Variants in AFAP1L1 observed in about 807,000 individuals in gnomAD.
The protein encoded by AFAP1L1 is actin filament-associated protein 1-like 1.
A neutral mutation model predicts 99.8 loss-of-function variants in AFAP1L1; 77 were observed. The observed-to-expected ratio is 0.77, with a 90% CI of 0.64 to 0.93. The LOEUF (loss-of-function observed/expected upper bound fraction) is 0.93. Ranked by LOEUF, AFAP1L1 falls within the 40% of genes least tolerant of loss-of-function variation. AFAP1L1 has a pLI of 0.00. For synonymous variants in AFAP1L1, 373 were observed against 395.3 expected, an observed-to-expected ratio of 0.94 and a Z score of 0.67; for missense variants, 893 against 996.8, an observed-to-expected ratio of 0.90 and a Z score of 1.40.
intron 1 of AFAP1L1, among the ~76,000 whole-genome samples, chr5:149,295,510 C>CA (rs1755987747): frequency 9.0e-6 from 1 of 110,910 alleles, no homozygotes; most frequent in Admixed American, 1.0e-4. Flanking sequence ...GCTGGAACCT[C>CA]ACAGCAAAAA....
chr5:149,339,480 C>T (rs903674693), intron 18 of AFAP1L1, among the ~76,000 whole-genome samples: 10 of 152,188 alleles, frequency 6.6e-5, no homozygotes, highest in African/African-American at 2.4e-4. Context: ...GCATGAGCCA[C>T]GGCACCTAGC....
chr5:149,298,210 A>G (rs1043580081), intron 1 of AFAP1L1, among the ~76,000 whole-genome samples: 2 of 152,132 alleles, frequency 1.3e-5, no homozygotes, highest in African/African-American at 4.8e-5. Flanking sequence ...CAGCACATGG[A>G]GTTAGGAGTC....
chr5:149,322,555 G>A, intron 14 of AFAP1L1, 51 bp from the exon 15 acceptor site: 1 of 1,372,856 alleles, frequency 7.3e-7, no homozygotes, highest in Non-Finnish European at 1.0e-6. Context: ...ACCCTGCATT[G>A]ATGAGTCTGC....
intron 1 of AFAP1L1, among the ~76,000 whole-genome samples, chr5:149,294,545 C>T (rs193167781): frequency 2.0e-5 from 3 of 152,274 alleles, no homozygotes; most frequent in East Asian, 1.9e-4. Flanking sequence ...TGATGTATAT[C>T]GGGTTTTCTC....
chr5:149,284,853 A>G (rs981301980), intron 1 of AFAP1L1, among the ~76,000 whole-genome samples: 10 of 152,238 alleles, frequency 6.6e-5, no homozygotes, highest in Non-Finnish European at 7.3e-5. Flanking sequence ...AGGTAGGGCA[A>G]ATATCTCAGG....
intron 1 of AFAP1L1, among the ~76,000 whole-genome samples, chr5:149,287,758 T>G (rs1184796096): frequency 1.3e-5 from 2 of 150,118 alleles, no homozygotes; most frequent in African/African-American, 2.4e-5. Context: ...TGGTGTTTTT[T>G]TTTTTTTTTT....
In AFAP1L1 at chr5:149,322,708, C is replaced by T. The variant is rs1172823687; in HGVS notation, c.1801C>T (p.His601Tyr). 6.3e-7 allele frequency: 1 copy of T among 1,582,402 alleles called. No individual in the cohort carries two copies. The highest frequency in any genetic ancestry group is 2.3e-5 in the East Asian group (1 of 43,476). The change falls in exon 15 of 19, where the codon CAC becomes TAC. Residue 601 changes from histidine to tyrosine, a missense_variant. Coordinates refer to ENST00000296721, the MANE Select transcript of AFAP1L1 (RefSeq NM_152406.4). ...GGACCCGCAGGTCAAAGTCAAACGC[C>T]ACGCCTCCAGTGAGTTGTGTGTGGG... The part of the protein sequence containing the change: ...RVDPQVKVKR[H>Y]ASSANQYKYG...
chr5:149,273,500 C>G (rs1349317898), intron 1 of AFAP1L1, among the ~76,000 whole-genome samples: 1 of 152,106 alleles, frequency 6.6e-6, no homozygotes, highest in Non-Finnish European at 1.5e-5. Context: ...TCACTTGCCC[C>G]TCCCCAACAG....
intron 3 of AFAP1L1, 120 bp from the exon 4 acceptor site, chr5:149,301,013 C>T (rs1333898777): frequency 2.9e-5 from 21 of 727,304 alleles, no homozygotes; most frequent in South Asian, 1.6e-4. Flanking sequence ...GGGTTACTAA[C>T]GGAGGGGTGG....
At chr5:149,307,733 G>A in intron 7 of AFAP1L1, 120 bp downstream of exon 7, 2 of 985,374 alleles carry the variant, frequency 2.0e-6, no homozygotes, top group Non-Finnish European at 3.0e-6. Context: ...GTGCACAGAA[G>A]CTCAAAGGCC....
chr5:149,296,427 A>C (rs1305734420), intron 1 of AFAP1L1, among the ~76,000 whole-genome samples: 1 of 152,216 alleles, frequency 6.6e-6, no homozygotes, highest in African/African-American at 2.4e-5. Flanking sequence ...CCTGAGCCAT[A>C]ACATCCTGTG....
chr5:149,307,657 T>G, intron 7 of AFAP1L1, 44 bp downstream of exon 7: 1 of 1,573,910 alleles, frequency 6.4e-7, no homozygotes, highest in Non-Finnish European at 8.7e-7. Context: ...TCACATGGAC[T>G]TGCATGTGGG....
chr5:149,338,902 G>T (rs901683263), intron 18 of AFAP1L1, among the ~76,000 whole-genome samples: 5 of 152,162 alleles, frequency 3.3e-5, no homozygotes, highest in Non-Finnish European at 7.3e-5. Context: ...GAAAAAGCTT[G>T]GCATGTTTGA....
Position 149,299,638 on chromosome 5 carries a change from G to T in AFAP1L1, c.145+1G>T. ...CTGCAGAGCCTGCAGCCCCTTCCAG[G>T]TTAGCCGCCAGCAGCCTGCCTGGAG... On this transcript the variant is annotated splice_donor_variant, in intron 2 of 18. Transcript: ENST00000296721. LOFTEE classifies it high-confidence loss of function. 1 of 1,614,068 alleles carries T rather than the reference G, an allele frequency of 6.2e-7. No individual in the cohort carries two copies. The highest frequency in any genetic ancestry group is 8.5e-7 in the Non-Finnish European group (1 of 1,179,968).
At chr5:149,291,524 CAA>C (rs1229134807) in intron 1 of AFAP1L1, among the ~76,000 whole-genome samples, 110 of 13,382 alleles carry the variant, frequency 8.2e-3, no homozygotes, top group African/African-American at 0.019. Context: ...GACTCCGTCT[CAA>C]AAAAAAAAAA....
At chr5:149,312,747 T>C (rs1319797409) in intron 9 of AFAP1L1, among the ~76,000 whole-genome samples, 1 of 151,490 alleles carries the variant, frequency 6.6e-6, no homozygotes, top group Non-Finnish European at 1.5e-5. Context: ...CACGATTGCG[T>C]CACTGCACTC....
intron 5 of AFAP1L1, 183 bp downstream of exon 5, chr5:149,302,709 A>C: frequency 2.0e-6 from 1 of 507,318 alleles, no homozygotes; most frequent in Non-Finnish European, 3.4e-6. Flanking sequence ...GGGTGGACCA[A>C]TATGTGGGGC....
chr5:149,282,759 G>C (rs902093494), intron 1 of AFAP1L1, among the ~76,000 whole-genome samples: 1 of 152,158 alleles, frequency 6.6e-6, no homozygotes, highest in African/African-American at 2.4e-5. Flanking sequence ...TAGAGAGATT[G>C]GGAGTGTCTC....
chr5:149,333,330 T>A (rs1175183206), intron 17 of AFAP1L1, among the ~76,000 whole-genome samples: 2 of 152,168 alleles, frequency 1.3e-5, no homozygotes, highest in Non-Finnish European at 2.9e-5. Context: ...TCAAGGTCAC[T>A]CCATGAAGTG....
Sources: gnomAD v4.1 joint callset for allele counts (sites outside exome capture counted in the v4.1 genomes callset) on GRCh38, gnomAD v4.1.1 for gene constraint, MANE v1.5 for transcripts, NCBI Gene and HGNC (gene_info 2026-07-23, HGNC 2026-07-21) for gene names.